The following CACNG2 variants were observed in gnomAD, a reference collection of about 807,000 sequenced individuals.
CACNG2 encodes the protein voltage-dependent calcium channel gamma-2 subunit.
Under a neutral mutation model 25.9 loss-of-function variants are expected in CACNG2, and 3 were observed. That is an observed-to-expected ratio of 0.12 (90% confidence interval 0.05 to 0.30). The LOEUF is 0.30. CACNG2 is among the 10% of genes least tolerant of loss of function. CACNG2 has a pLI of 1.00. For synonymous variants in CACNG2, 167 were observed against 173.3 expected (o/e 0.96, Z 0.29); for missense variants, 341 against 432.5 (o/e 0.79, Z 1.88).
At chr22:36,634,824 A>G (rs1044894830) in intron 1 of CACNG2, among the ~76,000 whole-genome samples, 1 of 152,240 alleles carries the variant, frequency 6.6e-6, no homozygotes, top group Admixed American at 6.5e-5. Flanking sequence ...ATGTGTGTAT[A>G]TGTCCTAAAA....
At chr22:36,586,112 C>A (rs528330922) in intron 2 of CACNG2, among the ~76,000 whole-genome samples, 20 of 152,264 alleles carry the variant, frequency 1.3e-4, no homozygotes, top group Non-Finnish European at 1.8e-4. Flanking sequence ...TCACCTCTGC[C>A]ATGCTGTGTC....
chr22:36,673,023 C>T (rs945995688), intron 1 of CACNG2, among the ~76,000 whole-genome samples: 1 of 152,152 alleles, frequency 6.6e-6, no homozygotes, highest in Non-Finnish European at 1.5e-5. Context: ...TCCAGGAGTT[C>T]GAGATCAGCC....
chr22:36,564,535 A>G lies in CACNG2; in HGVS notation c.788T>C (p.Leu263Pro), dbSNP rs567997419. ...GTACATGGAGATCTCCGTGGACGGC[A>G]GGGTGTTGAAGCCCTTGATGCCCAC... Reference protein sequence around the residue: ...SPVGIKGFNTLPSTEISMYTL... With the variant: ...SPVGIKGFNTPPSTEISMYTL... Residue 263 changes from leucine (L) to proline (P), a missense_variant, in exon 4 of 4, where the codon CTG becomes CCG. Physicochemically the swap from Leu to Pro is moderately conservative, Grantham distance 98. Transcript: ENST00000300105. This position sits in a 1 kb window ranked among gnomAD's most constrained non-coding sequence, Gnocchi z 6.7. 9 of 1,614,082 alleles carry G rather than the reference A, an allele frequency of 5.6e-6. No homozygotes were observed. The highest frequency in any genetic ancestry group is 2.7e-5 in the African/African-American group (2 of 75,032).
At chr22:36,676,150 A>G (rs1036060491) in intron 1 of CACNG2, among the ~76,000 whole-genome samples, 1 of 152,168 alleles carries the variant, frequency 6.6e-6, no homozygotes, top group Non-Finnish European at 1.5e-5. Flanking sequence ...AGCCTCCCAA[A>G]TATCTCTTGG....
At chr22:36,669,023 C>T (rs762537980) in intron 1 of CACNG2, among the ~76,000 whole-genome samples, 12 of 152,256 alleles carry the variant, frequency 7.9e-5, no homozygotes, top group Middle Eastern at 3.4e-3. Flanking sequence ...TAATGTCTTC[C>T]GGAAGTGCCC....
chr22:36,695,056 A>C (rs767356018), intron 1 of CACNG2, among the ~76,000 whole-genome samples: 4 of 152,060 alleles, frequency 2.6e-5, no homozygotes, highest in African/African-American at 4.8e-5. Context: ...TCTCTACAAG[A>C]AACTTAAAAA....
chr22:36,672,600 C>T (rs1936967561), intron 1 of CACNG2, among the ~76,000 whole-genome samples: 2 of 152,166 alleles, frequency 1.3e-5, no homozygotes, highest in Admixed American at 6.5e-5. Flanking sequence ...CCCAGCTTCT[C>T]GGAGTGACCT....
At chr22:36,670,160 G>T (rs1936928510) in intron 1 of CACNG2, among the ~76,000 whole-genome samples, 1 of 152,168 alleles carries the variant, frequency 6.6e-6, no homozygotes, top group African/African-American at 2.4e-5. Flanking sequence ...ACTTTTTACT[G>T]TGTGCCAGAT....
At chr22:36,594,268 A>T (rs564710435) in intron 1 of CACNG2, among the ~76,000 whole-genome samples, 3 of 152,298 alleles carry the variant, frequency 2.0e-5, no homozygotes, top group African/African-American at 7.2e-5. Flanking sequence ...CCAGGCTCAC[A>T]TTCTAGGGGC....
At chr22:36,651,577 G>C (rs1312847204) in intron 1 of CACNG2, among the ~76,000 whole-genome samples, 1 of 151,982 alleles carries the variant, frequency 6.6e-6, no homozygotes, top group South Asian at 2.1e-4. Flanking sequence ...TTTTGAACTG[G>C]GCCCTGCAAA....
At chr22:36,649,315 G>A (rs1054763817) in intron 1 of CACNG2, among the ~76,000 whole-genome samples, 8 of 151,934 alleles carry the variant, frequency 5.3e-5, no homozygotes, top group African/African-American at 1.7e-4. Context: ...TTTTTGAGAC[G>A]GAGTCTCACT....
intron 1 of CACNG2, among the ~76,000 whole-genome samples, chr22:36,610,364 C>T (rs2267345): frequency 0.53 from 72,278 of 136,540 alleles, 21,939 homozygotes; most frequent in East Asian, 0.74. Flanking sequence ...CCCCGTAGAG[C>T]GTGATTGGGA....
chr22:36,606,914 G>A lies in CACNG2; in HGVS notation c.212-19366C>T, dbSNP rs1043614135. On this transcript the variant is annotated intron_variant, in intron 1 of 3. Transcript: ENST00000300105. This position sits in a 1 kb window ranked among gnomAD's most constrained non-coding sequence, Gnocchi z 5.7. ...GTGTGTCTGTGGTGTGTGTATGCAT[G>A]TGTGTGTATATGTGTGTATGTGTTT... 3.3e-5 allele frequency among the ~76,000 whole-genome samples: 5 copies of A among 151,676 alleles called. No individual in the cohort carries two copies. Among genetic ancestry groups the A allele is most frequent in the African/African-American group, 1.2e-4 (5 of 41,238 alleles).
At chr22:36,656,178 G>A (rs904001095) in intron 1 of CACNG2, among the ~76,000 whole-genome samples, 5 of 152,036 alleles carry the variant, frequency 3.3e-5, no homozygotes, top group African/African-American at 1.2e-4. Flanking sequence ...AGTATAGGAT[G>A]GAACAATCTA....
intron 1 of CACNG2, among the ~76,000 whole-genome samples, chr22:36,594,812 G>C (rs1180754564): frequency 6.8e-6 from 1 of 147,412 alleles, no homozygotes; most frequent in African/African-American, 2.5e-5. Flanking sequence ...GCATGGATGT[G>C]TGTCTGTGTG....
chr22:36,569,666 A>G (rs1351811631), intron 2 of CACNG2, among the ~76,000 whole-genome samples: 1 of 152,064 alleles, frequency 6.6e-6, no homozygotes, highest in Non-Finnish European at 1.5e-5. Context: ...CAGCCTCCCA[A>G]GTAGCTGGGA....
intron 1 of CACNG2, among the ~76,000 whole-genome samples, chr22:36,658,921 G>T (rs148963205): frequency 6.6e-6 from 1 of 152,158 alleles, no homozygotes; most frequent in African/African-American, 2.4e-5. Flanking sequence ...CAGCAATGAC[G>T]CTGGGAGGGA....
Position 36,564,240 on chromosome 22 carries a change from T to C in CACNG2, c.*111A>G. 2.2e-6 allele frequency: 2 copies of C among 927,656 alleles called. No homozygotes were observed. The highest frequency in any genetic ancestry group is 2.2e-5 in the South Asian group (1 of 46,146). 57.5% of individuals were successfully genotyped at this position (927,656 alleles called of 1,614,324 possible). ...TTTGTTTTTTTGTTTTTTTTGTTTT[T>C]TGTTTTTGCTTTTGGAAGGTCTCCC... On this transcript the variant is annotated 3_prime_UTR_variant, in exon 4 of 4. Transcript: ENST00000300105. This position sits in a 1 kb window ranked among gnomAD's most constrained non-coding sequence, Gnocchi z 6.7.
chr22:36,639,565 C>T (rs1415512495), intron 1 of CACNG2, among the ~76,000 whole-genome samples: 2 of 152,214 alleles, frequency 1.3e-5, no homozygotes, highest in Non-Finnish European at 2.9e-5. Flanking sequence ...CTTTTGGGAA[C>T]CCAACCTCCT....
Sources: gnomAD v4.1 joint callset for allele counts (sites outside exome capture counted in the v4.1 genomes callset) on GRCh38, gnomAD v4.1.1 for gene constraint, Gnocchi (gnomAD v3.1) non-coding constraint, MANE v1.5 for transcripts, NCBI Gene and HGNC (gene_info 2026-07-23, HGNC 2026-07-21) for gene names.